Variants in ARB2A observed in about 807,000 individuals in gnomAD.
ARB2A encodes cotranscriptional regulator ARB2A.
chr5:93,848,715 T>A, the ARB2A span, among the ~76,000 whole-genome samples: 1 of 152,134 alleles, frequency 6.6e-6, no homozygotes, highest in Non-Finnish European at 1.5e-5. Flanking sequence ...AACTAGGCAA[T>A]CTCAATTTTA....
At chr5:93,776,069 C>A in the ARB2A span, 1 of 1,057,214 alleles carries the variant, frequency 9.5e-7, no homozygotes, top group Non-Finnish European at 1.4e-6. Flanking sequence ...TAAAAACAAA[C>A]TAATTCACAA....
chr5:93,985,495 C>T, the ARB2A span, among the ~76,000 whole-genome samples: 3 of 152,034 alleles, frequency 2.0e-5, no homozygotes, highest in South Asian at 2.1e-4. Flanking sequence ...ACTGTATTGC[C>T]GCGATCTCCA....
At chr5:93,670,332 C>T in the ARB2A span, among the ~76,000 whole-genome samples, 1 of 152,192 alleles carries the variant, frequency 6.6e-6, no homozygotes, top group Non-Finnish European at 1.5e-5. Context: ...AAAATTTGGA[C>T]TCCAAGGCTC....
chr5:93,827,277 T>C, the ARB2A span, among the ~76,000 whole-genome samples: 1 of 152,226 alleles, frequency 6.6e-6, no homozygotes, highest in Non-Finnish European at 1.5e-5. Context: ...GACTTTTTAA[T>C]GATCACCATT....
chr5:93,670,263 T>A, the ARB2A span, among the ~76,000 whole-genome samples: 1 of 152,208 alleles, frequency 6.6e-6, no homozygotes, highest in Non-Finnish European at 1.5e-5. Context: ...CTAAAATAGA[T>A]ATGATCACTA....
chr5:93,767,335 T>A, the ARB2A span, among the ~76,000 whole-genome samples: 1 of 152,282 alleles, frequency 6.6e-6, no homozygotes, highest in African/African-American at 2.4e-5. Flanking sequence ...CAATGTGGTA[T>A]CACCTTACTC....
At chr5:93,934,320 G>A in the ARB2A span, among the ~76,000 whole-genome samples, 28 of 152,144 alleles carry the variant, frequency 1.8e-4, no homozygotes, top group Admixed American at 1.1e-3. Flanking sequence ...AAATTTCGAC[G>A]AAGAAAATAC....
the ARB2A span, among the ~76,000 whole-genome samples, chr5:94,003,502 T>A: frequency 5.3e-5 from 8 of 152,012 alleles, no homozygotes; most frequent in African/African-American, 1.9e-4. Flanking sequence ...ACAAATTGAG[T>A]ACAGCAAGAA....
the ARB2A span, among the ~76,000 whole-genome samples, chr5:93,798,968 C>G: frequency 6.6e-6 from 1 of 152,006 alleles, no homozygotes. Flanking sequence ...TTGTTTTATT[C>G]TTTTTCTGAT....
the ARB2A span, among the ~76,000 whole-genome samples, chr5:93,842,329 C>G: frequency 6.6e-6 from 1 of 152,152 alleles, no homozygotes; most frequent in African/African-American, 2.4e-5. Flanking sequence ...TTTCACCTCA[C>G]AACAGTAGAG....
At chr5:93,932,515 G>T in the ARB2A span, among the ~76,000 whole-genome samples, 1 of 152,144 alleles carries the variant, frequency 6.6e-6, no homozygotes, top group Non-Finnish European at 1.5e-5. Context: ...TCTATAAGTA[G>T]ACAAATATGC....
At chr5:94,087,604 T>C in the ARB2A span, among the ~76,000 whole-genome samples, 4 of 152,190 alleles carry the variant, frequency 2.6e-5, 1 homozygote, top group South Asian at 8.3e-4. Flanking sequence ...GTTTATAAAG[T>C]CTACAGTAGT....
the ARB2A span, among the ~76,000 whole-genome samples, chr5:94,014,726 T>C: frequency 6.6e-6 from 1 of 151,646 alleles, no homozygotes; most frequent in South Asian, 2.1e-4. Context: ...ATGAAAATCT[T>C]GGAACGGAGA....
chr5:93,945,173 C>T, the ARB2A span, among the ~76,000 whole-genome samples: 7 of 152,076 alleles, frequency 4.6e-5, no homozygotes, highest in African/African-American at 1.2e-4. Context: ...CCACGTGTGG[C>T]GGCTCACGCC....
the ARB2A span, among the ~76,000 whole-genome samples, chr5:94,064,023 C>T: frequency 6.6e-6 from 1 of 150,840 alleles, no homozygotes; most frequent in South Asian, 2.1e-4. Context: ...TATGAAATCC[C>T]AGAAAAAGAA....
At chr5:93,704,551 G>A in the ARB2A span, among the ~76,000 whole-genome samples, 6 of 152,160 alleles carry the variant, frequency 3.9e-5, no homozygotes, top group South Asian at 1.0e-3. Context: ...GTGACAGAGC[G>A]AGACCCTGTC....
At chr5:93,691,432 T>C in the ARB2A span, among the ~76,000 whole-genome samples, 3 of 151,570 alleles carry the variant, frequency 2.0e-5, no homozygotes, top group African/African-American at 7.3e-5. Flanking sequence ...ATATCAGGGA[T>C]TGAACATCAA....
chr5:93,950,585 G>A, the ARB2A span, among the ~76,000 whole-genome samples: 1 of 152,008 alleles, frequency 6.6e-6, no homozygotes. Context: ...GAAGGTTGTA[G>A]TGAGCTGAGC....
chr5:94,063,649 G>C, the ARB2A span, among the ~76,000 whole-genome samples: 1 of 151,930 alleles, frequency 6.6e-6, no homozygotes, highest in Non-Finnish European at 1.5e-5. Context: ...CAAAACTAGA[G>C]CCCAAGGAAT....
Sources: allele counts gnomAD v4.1 joint callset (sites outside exome capture counted in the v4.1 genomes callset), GRCh38; gene constraint gnomAD v4.1.1; transcripts MANE v1.5; gene names NCBI Gene and HGNC (gene_info 2026-07-23, HGNC 2026-07-21).